Variants in TNS3 observed in about 807,000 individuals in gnomAD.
The protein encoded by TNS3 is tensin-3.
Under a neutral mutation model 140.9 loss-of-function variants are expected in TNS3, and 45 were observed. That is an observed-to-expected ratio of 0.32 (90% confidence interval 0.25 to 0.41). The LOEUF is 0.41. Ranked by LOEUF, TNS3 falls within the 10% of genes least tolerant of loss-of-function variation. The pLI, the probability that TNS3 is intolerant of heterozygous loss-of-function variation, is 1.00. For missense variants in TNS3, 1,716 were observed against 1,906.7 expected, an observed-to-expected ratio of 0.90 and a Z score of 1.86; for synonymous variants, 815 against 788.4, an observed-to-expected ratio of 1.03 and a Z score of -0.56.
intron 16 of TNS3, among the ~76,000 whole-genome samples, chr7:47,375,640 CA>C (rs1357830653): frequency 1.3e-5 from 2 of 152,088 alleles, no homozygotes; most frequent in African/African-American, 4.8e-5. Flanking sequence ...AAAAGTCACC[CA>C]AAAAATGGAG....
chr7:47,512,098 T>G lies in TNS3; in HGVS notation c.-152-5154A>C, dbSNP rs538766455. 1.2e-4 allele frequency among the ~76,000 whole-genome samples: 19 copies of G among 152,350 alleles called. No homozygotes were observed. The East Asian group carries it at 3.1e-3, about 25-fold the overall frequency. ...GCCTGCCCTGGGCGACAGAGCAGGTTAAGCAGTGACACCAGCTGCCAGCCC... is the reference window on the plus strand; with the variant it reads ...GCCTGCCCTGGGCGACAGAGCAGGTGAAGCAGTGACACCAGCTGCCAGCCC... On this transcript the variant is annotated intron_variant, in intron 2 of 30. Coordinates refer to ENST00000311160, the MANE Select transcript of TNS3 (RefSeq NM_022748.12).
rs1736145125 is a variant in TNS3 at position 47,277,774 on chromosome 7, G to GT, written c.*301dup. On this transcript the variant is annotated 3_prime_UTR_variant, in exon 31 of 31. Coordinates refer to ENST00000311160, the MANE Select transcript of TNS3 (RefSeq NM_022748.12). ...TGGGGACCACCTCGTGTTCTGTGCT[G>GT]TTTCCTTGCATGTCCCTTTCCCATG... 1 of 444,428 alleles carries GT rather than the reference G, an allele frequency of 2.3e-6. No individual in the cohort carries two copies. Among genetic ancestry groups the GT allele is most frequent in the African/African-American group, 2.0e-5 (1 of 50,052 alleles). The allele number at this position is 444,428 out of a possible 1,614,324, so 27.5% of individuals were successfully genotyped here. A position where few individuals can be genotyped will look rare whatever the true frequency, so the allele number is the denominator to read the frequency against.
chr7:47,571,573 G>A (rs944459567), intron 1 of TNS3, among the ~76,000 whole-genome samples: 4 of 152,254 alleles, frequency 2.6e-5, no homozygotes, highest in African/African-American at 9.6e-5. Flanking sequence ...AGGAGAGGCA[G>A]TACCTCCAGA....
Position 47,308,076 on chromosome 7 carries a change from G to A in TNS3, c.2651-3073C>T, listed in dbSNP as rs112382829. On this transcript the variant is annotated intron_variant, in intron 20 of 30. Coordinates refer to ENST00000311160, the MANE Select transcript of TNS3 (RefSeq NM_022748.12). ...TTCCAAAAGTGTAATAGTTTTGGAA[G>A]AAACTATAAACATAAGCCTATGATC... 8.0e-3 allele frequency among the ~76,000 whole-genome samples: 1,214 copies of A among 152,300 alleles called. 15 individuals are homozygous for A. The highest frequency in any genetic ancestry group is 0.027 in the African/African-American group (1,136 of 41,568).
intron 13 of TNS3, chr7:47,405,537 T>G: frequency 1.4e-6 from 1 of 703,034 alleles, no homozygotes; most frequent in Non-Finnish European, 2.6e-6. Flanking sequence ...ACTTCAGATG[T>G]TCGCAATATT....
At position 47,400,795 on chromosome 7, in the gene TNS3, A is replaced by C. The variant is rs1307791245; in HGVS notation, c.843T>G (p.Asn281Lys). ...AGCTCCGCGCCTCACCTTTGCTGGC[A>C]TTGTCCAGATCCTCCTTCCCAAACA... Reference protein sequence around the residue: ...GLVFGKEDLDNASKDDRFPDY... With the variant: ...GLVFGKEDLDKASKDDRFPDY... The change falls in exon 14 of 31, where the codon AAT (asparagine) becomes AAG (lysine). Residue 281 changes from asparagine (N) to lysine (K), a missense_variant. Asn to Lys is a moderately conservative substitution (Grantham distance 94). Around this residue, in one of 3 missense-constraint regions of TNS3, gnomAD observed 337 missense variants for 428.9 expected, o/e 0.79. Coordinates refer to ENST00000311160, the MANE Select transcript of TNS3 (RefSeq NM_022748.12). 2.5e-5 allele frequency: 41 copies of C among 1,613,998 alleles called. No individual in the cohort carries two copies. Among genetic ancestry groups the C allele is most frequent in the Non-Finnish European group, 3.1e-5 (36 of 1,179,978 alleles).
Position 47,275,687 on chromosome 7 carries a change from G to A in TNS3, c.*2389C>T. The A allele has an allele frequency of 2.4e-6, 1 of 423,638 alleles. No homozygotes were observed. The highest frequency in any genetic ancestry group is 1.7e-5 in the South Asian group (1 of 59,738). The allele number at this position is 423,638 out of a possible 1,614,324, so 26.2% of individuals were successfully genotyped here. On this transcript the variant is annotated 3_prime_UTR_variant, in exon 31 of 31. Transcript: ENST00000311160. ...AGAAACTTCCTATACCAGCTCTTCA[G>A]AAATCGTGGAAACTTGCTTCCTTTG...
intron 21 of TNS3, 88 bp downstream of exon 21, chr7:47,304,744 G>A (rs1476813698): frequency 2.4e-6 from 3 of 1,253,742 alleles, no homozygotes; most frequent in Admixed American, 3.8e-5. Context: ...CTTCTCTGAA[G>A]AGCAAGCCCC....
Position 47,305,016 on chromosome 7 carries a change from C to T in TNS3, c.2651-13G>A. 6 of 1,333,676 alleles carry T rather than the reference C, an allele frequency of 4.5e-6. No individual in the cohort carries two copies. Among genetic ancestry groups the T allele is most frequent in the Non-Finnish European group, 5.8e-6 (6 of 1,031,858 alleles). The allele number at this position is 1,333,676 out of a possible 1,614,324, so 82.6% of individuals were successfully genotyped here. A position where few individuals can be genotyped will look rare whatever the true frequency, so the allele number is the denominator to read the frequency against. ...CAGCTTCGTGGTTCTGTAGCGGGAACACAGGAAGCAGAGAGACCTCGGTTG... is the reference window on the plus strand; with the variant it reads ...CAGCTTCGTGGTTCTGTAGCGGGAATACAGGAAGCAGAGAGACCTCGGTTG... On this transcript the variant is annotated splice_polypyrimidine_tract_variant and intron_variant, in intron 20 of 30. Coordinates refer to ENST00000311160, the MANE Select transcript of TNS3 (RefSeq NM_022748.12).
intron 2 of TNS3, among the ~76,000 whole-genome samples, chr7:47,527,462 C>A (rs1383747915): frequency 6.6e-6 from 1 of 152,102 alleles, no homozygotes; most frequent in Non-Finnish European, 1.5e-5. Flanking sequence ...AGCATCAGTG[C>A]AATTTCTCAT....
intron 20 of TNS3, among the ~76,000 whole-genome samples, chr7:47,323,096 CGCTCCTCGAG>C (rs1175414471): frequency 1.3e-5 from 2 of 152,160 alleles, no homozygotes; most frequent in Non-Finnish European, 2.9e-5. Flanking sequence ...CTGGAGGTAC[CGCTCCTCGAG>C]GCCTCATGTG....
At chr7:47,564,944 C>T (rs2152004710) in intron 1 of TNS3, among the ~76,000 whole-genome samples, 1 of 152,208 alleles carries the variant, frequency 6.6e-6, no homozygotes, top group East Asian at 1.9e-4. Flanking sequence ...ATAGGAACTC[C>T]TCGTTGTAAG....
At chr7:47,306,370 C>T (rs948738593) in intron 20 of TNS3, among the ~76,000 whole-genome samples, 14 of 152,138 alleles carry the variant, frequency 9.2e-5, no homozygotes, top group African/African-American at 2.9e-4. Flanking sequence ...ACAGAATTTG[C>T]ACTATCAATT....
rs373238348 is a variant in TNS3 at position 47,314,196 on chromosome 7, C to T, written c.2651-9193G>A. On this transcript the variant is annotated intron_variant, in intron 20 of 30. Coordinates refer to ENST00000311160, the MANE Select transcript of TNS3 (RefSeq NM_022748.12). ...TGAGTGTCACATCTTCAGGTCAGTG[C>T]AGTCACTTCCAGTGACTGGGACTGC... 2.0e-5 allele frequency among the ~76,000 whole-genome samples: 3 copies of T among 152,246 alleles called. No homozygotes were observed. The South Asian group carries it at 6.2e-4, about 31-fold the overall frequency.
intron 2 of TNS3, among the ~76,000 whole-genome samples, chr7:47,526,834 C>T (rs1799210740): frequency 6.6e-6 from 1 of 152,204 alleles, no homozygotes; most frequent in Non-Finnish European, 1.5e-5. Context: ...GCTCTGATTC[C>T]CAGGTTCTCT....
chr7:47,419,272 C>G (rs925271718), intron 10 of TNS3, among the ~76,000 whole-genome samples: 2 of 152,220 alleles, frequency 1.3e-5, no homozygotes, highest in African/African-American at 4.8e-5. Context: ...TGTCCAGGCC[C>G]AGGCAAAGTG....
At chr7:47,470,966 T>G in intron 4 of TNS3, among the ~76,000 whole-genome samples, 1 of 151,432 alleles carries the variant, frequency 6.6e-6, no homozygotes, top group Non-Finnish European at 1.5e-5. Flanking sequence ...TTTTAATGTG[T>G]TGAAGGTTTT....
intron 2 of TNS3, among the ~76,000 whole-genome samples, chr7:47,513,140 G>T (rs888767345): frequency 5.3e-5 from 8 of 152,178 alleles, no homozygotes; most frequent in African/African-American, 1.9e-4. Context: ...TTAAAAAAAT[G>T]ATTTTTAAAT....
intron 1 of TNS3, among the ~76,000 whole-genome samples, chr7:47,562,538 C>G (rs1800339136): frequency 1.3e-5 from 2 of 152,294 alleles, no homozygotes; most frequent in African/African-American, 4.8e-5. Context: ...AGGTGCCCAC[C>G]ACCACACTCG....
Sources: allele counts gnomAD v4.1 joint callset (sites outside exome capture counted in the v4.1 genomes callset), GRCh38; gene constraint gnomAD v4.1.1; regional missense constraint gnomAD v4.1.1; transcripts MANE v1.5; gene names NCBI Gene and HGNC (gene_info 2026-07-23, HGNC 2026-07-21).